Variants in SND1 observed in about 807,000 individuals in gnomAD.
SND1 encodes staphylococcal nuclease domain-containing protein 1.
Under a neutral mutation model 121.7 loss-of-function variants are expected in SND1, and 38 were observed. The ratio of observed to expected loss-of-function variants is 0.31; its 90% CI spans 0.24 to 0.41. The LOEUF is 0.41. SND1 is among the 10% of genes least tolerant of loss of function. SND1 has a pLI of 1.00. For missense variants in SND1, 868 were observed against 1,184.6 expected (o/e 0.73, Z 3.92); for synonymous variants, 401 against 447.4 (o/e 0.90, Z 1.31).
intron 16 of SND1, among the ~76,000 whole-genome samples, chr7:128,062,120 C>T (rs1042220908): frequency 5.9e-5 from 9 of 152,252 alleles, no homozygotes; most frequent in African/African-American, 2.2e-4. Flanking sequence ...CTTTTTTATT[C>T]TGTGTCCGAT....
chr7:127,844,055 T>C (rs1563032739), intron 11 of SND1, among the ~76,000 whole-genome samples: 1 of 152,258 alleles, frequency 6.6e-6, no homozygotes, highest in Non-Finnish European at 1.5e-5. Context: ...TTGGATCTTT[T>C]GCATTTTAAA....
At chr7:127,773,164 A>T (rs1023415274) in intron 10 of SND1, among the ~76,000 whole-genome samples, 4 of 152,194 alleles carry the variant, frequency 2.6e-5, no homozygotes, top group African/African-American at 9.7e-5. Flanking sequence ...TTGAGAATGA[A>T]AATTCTTGGC....
At chr7:127,858,456 A>C (rs1799322802) in intron 12 of SND1, 1 of 671,996 alleles carries the variant, frequency 1.5e-6, no homozygotes, top group Admixed American at 2.3e-5. Context: ...TCCTCTTCCA[A>C]GTCTGAGGCC....
intron 10 of SND1, among the ~76,000 whole-genome samples, chr7:127,769,237 TTAGG>T (rs1797471734): frequency 6.6e-6 from 1 of 151,262 alleles, no homozygotes. Flanking sequence ...CCCAAAAGTA[TTAGG>T]TAGAGTGTTT....
At chr7:128,053,874 G>T (rs900777108) in intron 16 of SND1, among the ~76,000 whole-genome samples, 1 of 152,200 alleles carries the variant, frequency 6.6e-6, no homozygotes, top group Non-Finnish European at 1.5e-5. Flanking sequence ...CCGGCAGGCT[G>T]AGCTTTTCCC....
chr7:127,791,407 C>T (rs539960433), intron 10 of SND1, among the ~76,000 whole-genome samples: 5 of 152,302 alleles, frequency 3.3e-5, no homozygotes, highest in African/African-American at 1.2e-4. Context: ...CCTGCCTTGG[C>T]TGCCCAAACT....
chr7:127,742,435 CT>C (rs1281775526), intron 10 of SND1, among the ~76,000 whole-genome samples: 2 of 152,096 alleles, frequency 1.3e-5, no homozygotes, highest in African/African-American at 4.8e-5. Context: ...TGGATGACTT[CT>C]TTGGAGAATT....
At chr7:128,055,631 G>A (rs1382460380) in intron 16 of SND1, among the ~76,000 whole-genome samples, 1 of 152,166 alleles carries the variant, frequency 6.6e-6, no homozygotes. Context: ...GCTGCTAACT[G>A]GAGTGCTCCG....
intron 17 of SND1, among the ~76,000 whole-genome samples, chr7:128,080,689 C>G (rs1429223172): frequency 2.0e-5 from 3 of 152,180 alleles, no homozygotes; most frequent in South Asian, 2.1e-4. Flanking sequence ...AAGCAGGGCT[C>G]TCACACTCGG....
At chr7:128,004,072 T>G (rs996598558) in intron 16 of SND1, among the ~76,000 whole-genome samples, 1 of 150,512 alleles carries the variant, frequency 6.6e-6, no homozygotes, top group African/African-American at 2.4e-5. Context: ...GTTTTGGCCC[T>G]TGATGTATTT....
At chr7:127,857,887 A>C (rs1799310700) in intron 12 of SND1, 2 of 1,362,754 alleles carry the variant, frequency 1.5e-6, no homozygotes, top group African/African-American at 2.9e-5. Context: ...GGAGTTGTAG[A>C]ACTGACCACG....
intron 16 of SND1, among the ~76,000 whole-genome samples, chr7:128,049,310 A>G (rs896954411): frequency 1.3e-5 from 2 of 152,126 alleles, no homozygotes; most frequent in African/African-American, 4.8e-5. Flanking sequence ...GTTAAAAGAA[A>G]CAAGTCCCTG....
chr7:127,654,052 T>G (rs770964902), intron 1 of SND1, among the ~76,000 whole-genome samples: 14 of 152,200 alleles, frequency 9.2e-5, no homozygotes, highest in Non-Finnish European at 1.5e-4. Context: ...GAGTGGATCT[T>G]TCTGAGATTT....
chr7:128,011,096 A>G (rs1803106624), intron 16 of SND1, among the ~76,000 whole-genome samples: 1 of 151,726 alleles, frequency 6.6e-6, no homozygotes, highest in Non-Finnish European at 1.5e-5. Context: ...TTTGGCGCAC[A>G]CTGTCCCCCC....
chr7:127,660,690 T>G (rs973982739), intron 1 of SND1, among the ~76,000 whole-genome samples: 1 of 152,224 alleles, frequency 6.6e-6, no homozygotes, highest in Non-Finnish European at 1.5e-5. Context: ...TTTGGATTTT[T>G]GGATTAGGGA....
At chr7:128,050,835 C>T (rs190882339) in intron 16 of SND1, among the ~76,000 whole-genome samples, 13 of 152,304 alleles carry the variant, frequency 8.5e-5, no homozygotes, top group East Asian at 7.7e-4. Context: ...GCAGAGCTGC[C>T]GTGATGAAGG....
intron 2 of SND1, among the ~76,000 whole-genome samples, chr7:127,688,505 C>T (rs1344273082): frequency 6.9e-6 from 1 of 144,120 alleles, no homozygotes; most frequent in Admixed American, 7.1e-5. Context: ...CCCAGGACTT[C>T]AAGACCAGTC....
chr7:128,075,805 C>T (rs1793496943), intron 17 of SND1, among the ~76,000 whole-genome samples: 1 of 152,222 alleles, frequency 6.6e-6, no homozygotes, highest in African/African-American at 2.4e-5. Flanking sequence ...CACATCAAGC[C>T]TCCTCCTCCC....
intron 12 of SND1, among the ~76,000 whole-genome samples, chr7:127,847,318 T>C (rs148888892): frequency 6.6e-6 from 1 of 152,118 alleles, no homozygotes; most frequent in East Asian, 1.9e-4. Context: ...TTATAGAAAA[T>C]TTGAGGTATT....
Sources: allele counts gnomAD v4.1 joint callset (sites outside exome capture counted in the v4.1 genomes callset), GRCh38; gene constraint gnomAD v4.1.1; transcripts MANE v1.5; gene names NCBI Gene and HGNC (gene_info 2026-07-23, HGNC 2026-07-21).